The following C19orf53 variants were observed in gnomAD, a reference collection of about 807,000 sequenced individuals.
The protein encoded by C19orf53 is chromosome 19 open reading frame 53, also known as leydig cell tumor 10 kDa protein homolog.
In C19orf53, 9 loss-of-function variants were observed where a neutral mutation model predicts 6.5. The observed-to-expected ratio is 1.38, with a 90% confidence interval of 0.83 to 2.40. C19orf53 has a LOEUF of 2.40. Among genes scored for constraint, C19orf53 ranks in the 30% most tolerant of loss-of-function variants. The pLI is 0.00. For missense variants in C19orf53, 166 were observed against 129.7 expected (o/e 1.28, Z -1.36); for synonymous variants, 68 against 52.5 (o/e 1.29, Z -1.27).
intron 2 of C19orf53, 57 bp from the exon 3 acceptor site, chr19:13,777,995 G>A (rs1974387522): frequency 4.5e-6 from 7 of 1,556,266 alleles, no homozygotes; most frequent in African/African-American, 1.4e-5. Flanking sequence ...AGGGTGACTG[G>A]TCAGGCCCTC....
Position 13,774,549 on chromosome 19 carries a change from AAAG to A in C19orf53, c.75_77del (p.Lys25del). 1 of 1,614,024 alleles carries A rather than the reference AAAG, an allele frequency of 6.2e-7. No individual in the cohort carries two copies. Among genetic ancestry groups the A allele is most frequent in the Non-Finnish European group, 8.5e-7 (1 of 1,179,916 alleles). On this transcript the variant is annotated inframe_deletion, in exon 1 of 3. Transcript: ENST00000588234. ...GTAAGACGGCAGCGGCAGCCTCTGA[AAAG>A]AATCGGGGCCCAAGAAAAGGCGGTA...
intron 2 of C19orf53, among the ~76,000 whole-genome samples, chr19:13,775,248 G>C (rs1974356684): frequency 6.6e-6 from 1 of 152,004 alleles, no homozygotes. Flanking sequence ...ACCTAGAACA[G>C]CAGAGGGCTC....
At position 13,774,484 on chromosome 19, in the gene C19orf53, C is replaced by T. The variant is rs747441352; in HGVS notation, c.7C>T (p.Gln3Ter). ...TTCCGCTGCGTGCCGGACCATGGCG[C>T]AGGGGCAGCGCAAGTTTCAGGCGCA... MA[Q>*]GQRKFQAHKP... is the part of the protein sequence containing the mutation. The change falls in exon 1 of 3, where the codon CAG (glutamine) becomes TAG (stop). Residue 3 changes from glutamine to a stop codon, truncating the protein, a stop_gained. Transcript: ENST00000588234. LOFTEE classifies it high-confidence loss of function. The T allele has an allele frequency of 1.2e-6, 2 of 1,605,890 alleles. No individual in the cohort carries two copies. Among genetic ancestry groups the T allele is most frequent in the South Asian group, 1.1e-5 (1 of 90,222 alleles).
At chr19:13,774,776 A>T in intron 2 of C19orf53, 69 bp downstream of exon 2, 1 of 1,527,658 alleles carries the variant, frequency 6.5e-7, no homozygotes, top group Non-Finnish European at 8.9e-7. Context: ...GAGGACGGCG[A>T]GGGGGGATGG....
rs779356471 is a variant in C19orf53 at position 13,778,067 on chromosome 19, A to G, written c.169A>G (p.Ile57Val). The G allele has an allele frequency of 1.1e-5, 18 of 1,611,102 alleles. No homozygotes were observed. Among genetic ancestry groups the G allele is most frequent in the Non-Finnish European group, 1.4e-5 (17 of 1,178,330 alleles). ...QKLKKNLEVG[I>V]RKKIEHDVVM... ...TCTCCCTCAGAACCTAGAAGTCGGA[A>G]TCCGGAAGAAGATCGAACATGACGT... Residue 57 changes from isoleucine (I) to valine (V), a missense_variant, in exon 3 of 3, where the codon ATC becomes GTC. By Grantham distance (29) the Ile-to-Val change is conservative. Transcript: ENST00000588234.
chr19:13,776,543 G>GAATC (rs1974373755), intron 2 of C19orf53, among the ~76,000 whole-genome samples: 1 of 152,114 alleles, frequency 6.6e-6, no homozygotes, highest in Non-Finnish European at 1.5e-5. Flanking sequence ...AGGCCCTGTA[G>GAATC]AATCTGCCCT....
In C19orf53 at chr19:13,777,951, C is replaced by G. The variant is rs976541520; in HGVS notation, c.154-101C>G. 7.6e-6 allele frequency: 11 copies of G among 1,438,872 alleles called. No homozygotes were observed. The East Asian group carries it at 2.6e-4, about 34-fold the overall frequency. 89.1% of individuals were successfully genotyped at this position (1,438,872 alleles called of 1,614,324 possible). Reference sequence around the variant, plus strand: ...CAGGTGCGGTTCGAGGGGATAGTTGCTGATCTAGCCCCCTGCGAGCTCTAG... The same window carrying G: ...CAGGTGCGGTTCGAGGGGATAGTTGGTGATCTAGCCCCCTGCGAGCTCTAG... On this transcript the variant is annotated intron_variant, in intron 2 of 2. Transcript: ENST00000588234.
rs1298995449 is a variant in C19orf53, at chr19:13,774,718, G to A, written c.153+11G>A. ...CAAAAGCTCAAGAAGGTGTGCGGGGGCGAGAGATGGAGCCCGGAGGGCGGC... is the reference window on the plus strand; with the variant it reads ...CAAAAGCTCAAGAAGGTGTGCGGGGACGAGAGATGGAGCCCGGAGGGCGGC... On this transcript the variant is annotated intron_variant, in intron 2 of 2. Coordinates refer to ENST00000588234, the MANE Select transcript of C19orf53 (RefSeq NM_014047.3). 1.9e-6 allele frequency: 3 copies of A among 1,595,372 alleles called. No individual in the cohort carries two copies. Among genetic ancestry groups the A allele is most frequent in the South Asian group, 1.1e-5 (1 of 89,660 alleles).
chr19:13,774,782 G>A (rs1205894694), intron 2 of C19orf53, 75 bp downstream of exon 2: 8 of 1,526,384 alleles, frequency 5.2e-6, no homozygotes, highest in Middle Eastern at 1.8e-4. Context: ...GGCGAGGGGG[G>A]ATGGGTGGAG....
chr19:13,774,950 G>C (rs1288251262), intron 2 of C19orf53: 3 of 576,980 alleles, frequency 5.2e-6, no homozygotes, highest in Non-Finnish European at 9.1e-6. Flanking sequence ...GGACGTGCTA[G>C]GGACGAGAGA....
At chr19:13,774,629 C>CACGTGAGCACATCTTTCCCCAG (rs746542722) in intron 1 of C19orf53, 23 bp from the exon 2 acceptor site, 342 of 1,612,974 alleles carry the variant, frequency 2.1e-4, no homozygotes, top group Non-Finnish European at 2.7e-4. Flanking sequence ...TTCCCGGCCT[C>CACGTGAGCACATCTTTCCCCAG]ACGTGAGCAC....
chr19:13,777,218 C>T lies in C19orf53; in HGVS notation c.154-834C>T, dbSNP rs140868758. ...ATGCCTGCCTTGGCCTCCCAAGGTG[C>T]TGGGATTACAGCCACTGCACCCAGC... On this transcript the variant is annotated intron_variant, in intron 2 of 2. Coordinates refer to ENST00000588234, the MANE Select transcript of C19orf53 (RefSeq NM_014047.3). Among the ~76,000 whole-genome samples the T allele has an allele frequency of 5.3e-3, 808 of 151,758 alleles. 9 individuals are homozygous for T. The highest frequency in any genetic ancestry group is 0.018 in the African/African-American group (760 of 41,280).
At position 13,778,039 on chromosome 19, in the gene C19orf53, G is replaced by A. The variant is rs1974387908; in HGVS notation, c.154-13G>A. The A allele has an allele frequency of 6.2e-7, 1 of 1,603,252 alleles. No homozygotes were observed. The highest frequency in any genetic ancestry group is 8.5e-7 in the Non-Finnish European group (1 of 1,173,782). ...CCAGGTCACAATCTGACTGCCCCGT[G>A]CTTCTCCCTCAGAACCTAGAAGTCG... On this transcript the variant is annotated splice_polypyrimidine_tract_variant and intron_variant, in intron 2 of 2. Coordinates refer to ENST00000588234, the MANE Select transcript of C19orf53 (RefSeq NM_014047.3).
In C19orf53 at chr19:13,778,385, T is replaced by C. The variant is rs1259970318; in HGVS notation, c.*187T>C. 2 of 631,290 alleles carry C rather than the reference T, an allele frequency of 3.2e-6. No homozygotes were observed. The highest frequency in any genetic ancestry group is 5.0e-6 in the Non-Finnish European group (2 of 403,932). 39.1% of individuals were successfully genotyped at this position (631,290 alleles called of 1,614,324 possible). On this transcript the variant is annotated 3_prime_UTR_variant, in exon 3 of 3. Transcript: ENST00000588234. The stretch of plus-strand genomic sequence containing the variant: ...TGACCAGGAAGATACAGTCACTAAC[T>C]TCATCTGTCCCCGTGCCCCTTCCCA...
intron 2 of C19orf53, chr19:13,775,009 C>G: frequency 1.9e-6 from 1 of 526,092 alleles, no homozygotes; most frequent in South Asian, 3.2e-5. Context: ...CGGCAAAGGG[C>G]AAGGGATGAG....
rs141808733 is a variant in C19orf53 at position 13,774,817 on chromosome 19, G to T, written c.153+110G>T. The T allele has an allele frequency of 1.9e-3, 2,631 of 1,397,196 alleles. 6 individuals are homozygous for T. The highest frequency in any genetic ancestry group is 3.8e-3 in the South Asian group (282 of 74,688). The allele number at this position is 1,397,196 out of a possible 1,614,324, so 86.5% of individuals were successfully genotyped here. On this transcript the variant is annotated intron_variant, in intron 2 of 2. Coordinates refer to ENST00000588234, the MANE Select transcript of C19orf53 (RefSeq NM_014047.3). ...GCCCGGGGATCAGTGAGGGGAGAGG[G>T]TGGATCCTGGGGACGAGCTAGGAGC...
At chr19:13,775,699 AG>A in intron 2 of C19orf53, 1 of 152,364 alleles carries the variant, frequency 6.6e-6, no homozygotes. Context: ...TGTACTCCAC[AG>A]TAAACAGCCC....
At position 13,774,586 on chromosome 19, in the gene C19orf53, C is replaced by T. The variant is rs763631106; in HGVS notation, c.97+12C>T. 37 of 1,613,928 alleles carry T rather than the reference C, an allele frequency of 2.3e-5. No homozygotes were observed. Among genetic ancestry groups the T allele is most frequent in the Non-Finnish European group, 3.1e-5 (37 of 1,179,896 alleles). On this transcript the variant is annotated intron_variant, in intron 1 of 2. Coordinates refer to ENST00000588234, the MANE Select transcript of C19orf53 (RefSeq NM_014047.3). The stretch of plus-strand genomic sequence containing the variant: ...CCCAAGAAAAGGCGGTAAGGAGCGG[C>T]CCGGGGACTTGGGGGCGAGGTGGAC...
At chr19:13,774,767 A>G in intron 2 of C19orf53, 60 bp downstream of exon 2, 1 of 1,546,182 alleles carries the variant, frequency 6.5e-7, no homozygotes, top group Non-Finnish European at 8.8e-7. Context: ...TGGAACCCGG[A>G]GGACGGCGAG....
Sources: gnomAD v4.1 joint callset for allele counts (sites outside exome capture counted in the v4.1 genomes callset) on GRCh38, gnomAD v4.1.1 for gene constraint, MANE v1.5 for transcripts, NCBI Gene and HGNC (gene_info 2026-07-23, HGNC 2026-07-21) for gene names.